Variants in FHIT observed in about 807,000 individuals in gnomAD.
The protein encoded by FHIT is fragile histidine triad diadenosine triphosphatase.
A neutral mutation model predicts 17.9 loss-of-function variants in FHIT; 19 were observed. That is an observed-to-expected ratio of 1.06 (90% CI 0.74 to 1.56). The LOEUF (loss-of-function observed/expected upper bound fraction) is 1.56, where lower values mean the gene tolerates loss of function less well. Ranked by LOEUF, FHIT falls within the 40% of genes most tolerant of loss-of-function variation. The probability of loss-of-function intolerance (pLI) is 0.00; values close to 1 mark genes in which losing one functional copy is unlikely to be tolerated. For synonymous variants in FHIT, 81 were observed against 69.7 expected (o/e 1.16, Z -0.81); for missense variants, 248 against 189.2 (o/e 1.31, Z -1.82).
intron 5 of FHIT, among the ~76,000 whole-genome samples, chr3:60,363,519 G>A (rs148798730): frequency 4.3e-4 from 65 of 152,156 alleles, no homozygotes; most frequent in African/African-American, 1.1e-3. Context: ...GTATACTGCC[G>A]CTATCCCTGT....
chr3:60,570,775 C>T (rs984499420), intron 4 of FHIT, among the ~76,000 whole-genome samples: 5 of 146,816 alleles, frequency 3.4e-5, no homozygotes, highest in Non-Finnish European at 7.5e-5. Context: ...GAGCCTAGCG[C>T]ATGTTATGGC....
In FHIT at chr3:60,431,876, T is replaced by C. The variant is rs114615074; in HGVS notation, c.103+104984A>G. Among the ~76,000 whole-genome samples, 172 of 152,200 alleles carry C rather than the reference T, an allele frequency of 1.1e-3. 2 individuals are homozygous for C. The highest frequency in any genetic ancestry group is 4.1e-3 in the African/African-American group (169 of 41,538). On this transcript the variant is annotated intron_variant, in intron 5 of 9. Coordinates refer to ENST00000492590, the MANE Select transcript of FHIT (RefSeq NM_002012.4). The stretch of plus-strand genomic sequence containing the variant: ...TGTTGCCCCATGTGTGTATCCGTGG[T>C]CTCCTGCATAGTTTTATTAGAGGAA...
intron 5 of FHIT, among the ~76,000 whole-genome samples, chr3:60,341,163 G>C (rs1218739419): frequency 6.6e-6 from 1 of 152,192 alleles, no homozygotes; most frequent in Non-Finnish European, 1.5e-5. Context: ...GTACACAGAA[G>C]GATGACTGCG....
chr3:60,846,869 C>G (rs1553746675), intron 3 of FHIT, among the ~76,000 whole-genome samples: 2 of 151,762 alleles, frequency 1.3e-5, no homozygotes, highest in African/African-American at 2.4e-5. Flanking sequence ...TGTCGCCCAG[C>G]CTGGAGTGCA....
intron 7 of FHIT, among the ~76,000 whole-genome samples, chr3:59,979,080 T>C (rs1376701038): frequency 1.3e-5 from 2 of 152,124 alleles, no homozygotes; most frequent in East Asian, 1.9e-4. Flanking sequence ...CTTTCTGACA[T>C]TGTGTTGGTT....
intron 3 of FHIT, among the ~76,000 whole-genome samples, chr3:60,935,862 C>G (rs1433217430): frequency 6.6e-6 from 1 of 152,206 alleles, no homozygotes; most frequent in Non-Finnish European, 1.5e-5. Flanking sequence ...CACATGGACA[C>G]ACTTCTGCTT....
At chr3:60,016,497 C>A (rs1700350383) in intron 5 of FHIT, among the ~76,000 whole-genome samples, 1 of 152,166 alleles carries the variant, frequency 6.6e-6, no homozygotes, top group African/African-American at 2.4e-5. Flanking sequence ...ACACTGCAGT[C>A]TCCTCTCAGT....
chr3:59,941,835 T>C (rs1470063824), intron 7 of FHIT, among the ~76,000 whole-genome samples: 4 of 152,132 alleles, frequency 2.6e-5, no homozygotes, highest in East Asian at 1.9e-4. Flanking sequence ...AAGTAGGATA[T>C]AGTGTGTTAA....
At chr3:60,668,088 G>A (rs1282733582) in intron 4 of FHIT, among the ~76,000 whole-genome samples, 2 of 151,948 alleles carry the variant, frequency 1.3e-5, no homozygotes, top group African/African-American at 4.8e-5. Flanking sequence ...CTTGTTGCTG[G>A]TTATGTCTTC....
At chr3:60,760,649 T>G (rs918068949) in intron 4 of FHIT, among the ~76,000 whole-genome samples, 1 of 152,182 alleles carries the variant, frequency 6.6e-6, no homozygotes, top group Non-Finnish European at 1.5e-5. Flanking sequence ...GAAAAAGTAA[T>G]GCCCAGCAAA....
In FHIT at chr3:59,748,881, G is replaced by A. The variant is rs769945812; in HGVS notation, c.*704C>T. Among the ~76,000 whole-genome samples the A allele has an allele frequency of 6.6e-5, 10 of 152,198 alleles. No homozygotes were observed. Among genetic ancestry groups the A allele is most frequent in the Non-Finnish European group, 1.2e-4 (8 of 68,026 alleles). ...TACATCTTATAAATTCTTAGCAAGT[G>A]TGTTGGCTAGTGTTATCAATTCCAG... is the stretch of plus-strand genomic sequence containing the variant. On this transcript the variant is annotated 3_prime_UTR_variant, in exon 10 of 10. Coordinates refer to ENST00000492590, the MANE Select transcript of FHIT (RefSeq NM_002012.4).
intron 2 of FHIT, among the ~76,000 whole-genome samples, chr3:61,190,359 TGCAAATCAAAACCACA>T (rs2038674362): frequency 6.6e-6 from 1 of 152,158 alleles, no homozygotes; most frequent in Non-Finnish European, 1.5e-5. Context: ...ATCAGAGACA[TGCAAATCAAAACCACA>T]ATGAGATACC....
intron 4 of FHIT, chr3:60,553,465 ATTTAT>A (rs1231158703): frequency 3.1e-6 from 1 of 324,262 alleles, no homozygotes; most frequent in Non-Finnish European, 4.3e-6. Flanking sequence ...TATATTTTAT[ATTTAT>A]TTTATATATA....
chr3:60,720,127 T>C (rs2041776744), intron 4 of FHIT, among the ~76,000 whole-genome samples: 1 of 152,212 alleles, frequency 6.6e-6, no homozygotes, highest in Middle Eastern at 3.2e-3. Flanking sequence ...TGGTTTCCTC[T>C]GCTCCAGAAG....
intron 4 of FHIT, among the ~76,000 whole-genome samples, chr3:60,605,641 G>T (rs1254866421): frequency 6.6e-6 from 1 of 152,124 alleles, no homozygotes; most frequent in Non-Finnish European, 1.5e-5. Context: ...TAAACACAAG[G>T]TCCTTGCATC....
At chr3:60,547,416 C>A (rs559458203) in intron 4 of FHIT, among the ~76,000 whole-genome samples, 2 of 152,250 alleles carry the variant, frequency 1.3e-5, no homozygotes, top group East Asian at 3.9e-4. Flanking sequence ...TTGAACCCTA[C>A]TCTCTCTTTA....
chr3:60,605,271 A>G (rs1280729269), intron 4 of FHIT, among the ~76,000 whole-genome samples: 2 of 152,184 alleles, frequency 1.3e-5, no homozygotes, highest in African/African-American at 4.8e-5. Flanking sequence ...TCACTGCAAT[A>G]AAAGTGATTT....
chr3:60,363,475 A>T (rs1327438775), intron 5 of FHIT, among the ~76,000 whole-genome samples: 1 of 152,190 alleles, frequency 6.6e-6, no homozygotes, highest in Non-Finnish European at 1.5e-5. Flanking sequence ...TAATTGCTTT[A>T]TATGGATCTC....
At chr3:61,065,973 C>G (rs568214127) in intron 2 of FHIT, among the ~76,000 whole-genome samples, 2 of 152,240 alleles carry the variant, frequency 1.3e-5, no homozygotes, top group East Asian at 3.9e-4. Context: ...TTATAAACAA[C>G]AGAGATTTAT....
Sources: gnomAD v4.1 joint callset for allele counts (sites outside exome capture counted in the v4.1 genomes callset) on GRCh38, gnomAD v4.1.1 for gene constraint, MANE v1.5 for transcripts, NCBI Gene and HGNC (gene_info 2026-07-23, HGNC 2026-07-21) for gene names.